Variants in COL4A3 observed in about 807,000 individuals in gnomAD.
COL4A3 encodes collagen alpha-3(IV) chain.
COL4A3 carries 135 observed loss-of-function variants against 217.4 expected under a neutral mutation model. That is an observed-to-expected ratio of 0.62 (90% CI 0.54 to 0.72). COL4A3 has a LOEUF of 0.72. Among genes scored for constraint, COL4A3 ranks in the 30% least tolerant of loss-of-function variants. The probability of loss-of-function intolerance (pLI) is 0.00; values close to 1 mark genes in which losing one functional copy is unlikely to be tolerated. For missense variants in COL4A3, 1,868 were observed against 2,119.9 expected (o/e 0.88, Z 2.33); for synonymous variants, 690 against 736.3 (o/e 0.94, Z 1.02).
At chr2:227,300,959 C>A (rs570232375) in intron 43 of COL4A3, among the ~76,000 whole-genome samples, 10 of 152,046 alleles carry the variant, frequency 6.6e-5, no homozygotes, top group African/African-American at 2.4e-4. Flanking sequence ...GAGTGACACA[C>A]ACACAACTCT....
At chr2:227,178,190 C>G (rs1048151622) in intron 1 of COL4A3, among the ~76,000 whole-genome samples, 1 of 152,010 alleles carries the variant, frequency 6.6e-6, no homozygotes, top group African/African-American at 2.4e-5. Context: ...CAAGATCAGC[C>G]TGGGTAATAC....
At position 227,307,998 on chromosome 2, in the gene COL4A3, C is replaced by T; in HGVS notation, c.4462+79C>T. Reference sequence around the variant, plus strand: ...TCTTTATAGCCTAGGATGCTTCCCTCTGAAGTTAAGTGTAAATAACCTTGA... The same window carrying T: ...TCTTTATAGCCTAGGATGCTTCCCTTTGAAGTTAAGTGTAAATAACCTTGA... On this transcript the variant is annotated intron_variant, in intron 48 of 51. Transcript: ENST00000396578. The T allele has an allele frequency of 3.8e-6, 5 of 1,300,334 alleles. No homozygotes were observed. In the South Asian group the frequency reaches 6.0e-5, roughly 16 times the overall value. 80.5% of individuals were successfully genotyped at this position (1,300,334 alleles called of 1,614,324 possible).
rs1348043033 is a variant in COL4A3, at chr2:227,191,072, G to C, written c.87+26259G>C. On this transcript the variant is annotated intron_variant, in intron 1 of 51. Transcript: ENST00000396578. The surrounding 1 kb of genome is among the most constrained non-coding windows in gnomAD (Gnocchi z 6.8). ...AAGGTTATTATATATGAAATTTTAT[G>C]TCTTTTTTCTCTTAAAAATAGACTA... is the stretch of plus-strand genomic sequence containing the variant. Among the ~76,000 whole-genome samples, 2 of 151,996 alleles carry C rather than the reference G, an allele frequency of 1.3e-5. No homozygotes were observed. The highest frequency in any genetic ancestry group is 2.4e-5 in the African/African-American group (1 of 41,388).
chr2:227,290,319 G>A (rs1465844269), intron 36 of COL4A3, among the ~76,000 whole-genome samples: 2 of 152,242 alleles, frequency 1.3e-5, no homozygotes, highest in African/African-American at 4.8e-5. Flanking sequence ...CCAACATGGC[G>A]AAACCCCATC....
chr2:227,197,838 A>G (rs933829055), intron 1 of COL4A3, among the ~76,000 whole-genome samples: 2 of 152,200 alleles, frequency 1.3e-5, no homozygotes, highest in African/African-American at 4.8e-5. Context: ...TACAACAATT[A>G]TCTCATTTCA....
At chr2:227,235,742 C>T (rs2068654037) in intron 1 of COL4A3, among the ~76,000 whole-genome samples, 1 of 150,286 alleles carries the variant, frequency 6.7e-6, no homozygotes, top group South Asian at 2.1e-4. Context: ...CAATTCCATC[C>T]AGGTTGCTGC....
chr2:227,203,284 T>C lies in COL4A3; in HGVS notation c.88-34684T>C, dbSNP rs866478741. Among the ~76,000 whole-genome samples, 21 of 89,852 alleles carry C rather than the reference T, an allele frequency of 2.3e-4. 4 individuals carry two copies. Among genetic ancestry groups the C allele is most frequent in the Middle Eastern group, 0.029 (2 of 70 alleles). 58.9% of individuals were successfully genotyped at this position (89,852 alleles called of 152,430 possible). On this transcript the variant is annotated intron_variant, in intron 1 of 51. Transcript: ENST00000396578. ...ACATATATGTGTATATATGTGTATA[T>C]ATACATATATGTGTATATATGTGTA... is the stretch of plus-strand genomic sequence containing the variant.
chr2:227,244,563 C>T (rs1452959898), intron 4 of COL4A3, among the ~76,000 whole-genome samples, 199 bp downstream of exon 4: 1 of 152,104 alleles, frequency 6.6e-6, no homozygotes, highest in Non-Finnish European at 1.5e-5. Context: ...CAAGAAAGGC[C>T]ATGAAGGAAC....
intron 1 of COL4A3, among the ~76,000 whole-genome samples, chr2:227,204,990 C>T (rs774729892): frequency 6.6e-6 from 1 of 152,096 alleles, no homozygotes; most frequent in East Asian, 1.9e-4. Context: ...ATGTCTTTTC[C>T]GTTCATCTTT....
Position 227,249,230 on chromosome 2 carries a change from AT to A in COL4A3, c.546+733del, listed in dbSNP as rs1247683938. Among the ~76,000 whole-genome samples the A allele has an allele frequency of 6.9e-3, 101 of 14,698 alleles. 1 individual carries two copies. Among genetic ancestry groups the A allele is most frequent in the African/African-American group, 0.019 (72 of 3,772 alleles). The allele number at this position is 14,698 out of a possible 152,430, so 9.6% of individuals were successfully genotyped here. A position where few individuals can be genotyped will look rare whatever the true frequency, so the allele number is the denominator to read the frequency against. On this transcript the variant is annotated intron_variant, in intron 9 of 51. Coordinates refer to ENST00000396578, the MANE Select transcript of COL4A3 (RefSeq NM_000091.5). Reference sequence around the variant, plus strand: ...TTAGCTAGTATATATATATATATATATTTTTTTTTTTTTTTTTTTTTTTGAG... The same window carrying A: ...TTAGCTAGTATATATATATATATATATTTTTTTTTTTTTTTTTTTTTTGAG...
chr2:227,177,142 C>CT (rs2065700274), intron 1 of COL4A3, among the ~76,000 whole-genome samples: 1 of 144,796 alleles, frequency 6.9e-6, no homozygotes. Flanking sequence ...ATTTATTTTT[C>CT]TTTCCTTTTT....
chr2:227,180,970 C>T (rs1359179489), intron 1 of COL4A3, among the ~76,000 whole-genome samples: 2 of 152,104 alleles, frequency 1.3e-5, no homozygotes, highest in Non-Finnish European at 2.9e-5. Context: ...GAAACATCAG[C>T]AGAAATGGCA....
intron 1 of COL4A3, among the ~76,000 whole-genome samples, chr2:227,218,517 A>T (rs375228665): frequency 4.3e-4 from 65 of 152,218 alleles, no homozygotes; most frequent in Middle Eastern, 6.8e-3. Context: ...TTTTATTAGG[A>T]TATGATAATG....
intron 1 of COL4A3, among the ~76,000 whole-genome samples, chr2:227,237,365 T>C (rs184228060): frequency 6.6e-6 from 1 of 152,204 alleles, no homozygotes; most frequent in Non-Finnish European, 1.5e-5. Context: ...TCTACACAAA[T>C]ATATATAAGG....
At chr2:227,288,454 G>T (rs1395699290) in intron 34 of COL4A3, among the ~76,000 whole-genome samples, 1 of 152,166 alleles carries the variant, frequency 6.6e-6, no homozygotes, top group African/African-American at 2.4e-5. Context: ...TAGGGAAAGT[G>T]GAATGGTTTC....
intron 20 of COL4A3, among the ~76,000 whole-genome samples, chr2:227,263,148 T>C (rs1181703946): frequency 6.6e-6 from 1 of 152,248 alleles, no homozygotes; most frequent in African/African-American, 2.4e-5. Context: ...TTTATCTTTG[T>C]GTTCAAATAA....
intron 1 of COL4A3, among the ~76,000 whole-genome samples, chr2:227,171,022 T>C (rs1310417121): frequency 6.6e-6 from 1 of 152,212 alleles, no homozygotes; most frequent in Non-Finnish European, 1.5e-5. Flanking sequence ...TTAAAACATA[T>C]ACTATTATTA....
chr2:227,310,291 C>T (rs1279110469), intron 50 of COL4A3, among the ~76,000 whole-genome samples: 1 of 152,134 alleles, frequency 6.6e-6, no homozygotes, highest in African/African-American at 2.4e-5. Flanking sequence ...TCTCTTGAGA[C>T]AGAATCTCCC....
At chr2:227,212,527 G>A (rs1327475554) in intron 1 of COL4A3, among the ~76,000 whole-genome samples, 1 of 152,124 alleles carries the variant, frequency 6.6e-6, no homozygotes, top group Non-Finnish European at 1.5e-5. Flanking sequence ...CTTTCCCCAG[G>A]AATCTGTAGT....
Sources: allele counts gnomAD v4.1 joint callset (sites outside exome capture counted in the v4.1 genomes callset), GRCh38; gene constraint gnomAD v4.1.1; non-coding constraint Gnocchi (gnomAD v3.1); transcripts MANE v1.5; gene names NCBI Gene and HGNC (gene_info 2026-07-23, HGNC 2026-07-21).